Variants in DOCK3 observed in about 807,000 individuals in gnomAD.
DOCK3 encodes dedicator of cytokinesis protein 3.
DOCK3 carries 60 observed loss-of-function variants against 265.6 expected under a neutral mutation model. That is an observed-to-expected ratio of 0.23 (90% CI 0.18 to 0.28). The LOEUF (loss-of-function observed/expected upper bound fraction) is 0.28. Among genes scored for constraint, DOCK3 ranks in the 10% least tolerant of loss-of-function variants. The probability of loss-of-function intolerance (pLI) is 1.00; values close to 1 mark genes in which losing one functional copy is unlikely to be tolerated. For synonymous variants in DOCK3, 881 were observed against 938.0 expected (o/e 0.94, Z 1.11); for missense variants, 1,981 against 2,594.3 (o/e 0.76, Z 5.14).
At chr3:51,151,261 A>T (rs1576250805) in intron 10 of DOCK3, among the ~76,000 whole-genome samples, 1 of 151,906 alleles carries the variant, frequency 6.6e-6, no homozygotes, top group African/African-American at 2.4e-5. Flanking sequence ...TTGACTCTTT[A>T]TCCAGTTTGC....
intron 12 of DOCK3, among the ~76,000 whole-genome samples, chr3:51,162,871 GAGA>G (rs2107548127): frequency 6.6e-6 from 1 of 152,314 alleles, no homozygotes; most frequent in African/African-American, 2.4e-5. Context: ...TATGTTTATA[GAGA>G]AGATTTTTTT....
At chr3:51,357,607 C>G in intron 44 of DOCK3, 151 bp from the exon 45 acceptor site, 1 of 708,682 alleles carries the variant, frequency 1.4e-6, no homozygotes, top group Non-Finnish European at 2.4e-6. Context: ...CTCTAATTGC[C>G]AGAAGTTCAA....
At chr3:51,007,985 CTT>C (rs1226977158) in intron 5 of DOCK3, among the ~76,000 whole-genome samples, 4 of 152,118 alleles carry the variant, frequency 2.6e-5, no homozygotes, top group African/African-American at 7.2e-5. Flanking sequence ...GTCTGTATCT[CTT>C]TTCTGGTACC....
At position 51,322,200 on chromosome 3, in the gene DOCK3, G is replaced by A. The variant is rs554644379; in HGVS notation, c.3402+7072G>A. ...CAATATTCAACATTCTTTTGTTTTTGTTTTTGTTTTTGTTTGTTTTGAGAT... is the reference window on the plus strand; with the variant it reads ...CAATATTCAACATTCTTTTGTTTTTATTTTTGTTTTTGTTTGTTTTGAGAT... On this transcript the variant is annotated intron_variant, in intron 32 of 52. Coordinates refer to ENST00000266037, the MANE Select transcript of DOCK3 (RefSeq NM_004947.5). Among the ~76,000 whole-genome samples, 5 of 152,116 alleles carry A rather than the reference G, an allele frequency of 3.3e-5. No individual in the cohort carries two copies. In the South Asian group the frequency reaches 1.0e-3, roughly 32 times the overall value.
chr3:51,248,499 A>G (rs891667437), intron 22 of DOCK3, among the ~76,000 whole-genome samples: 3 of 152,204 alleles, frequency 2.0e-5, no homozygotes, highest in Non-Finnish European at 4.4e-5. Flanking sequence ...TCAGTGCTCA[A>G]TGGCGCCCAG....
chr3:50,804,876 G>A (rs1315862412), intron 2 of DOCK3, among the ~76,000 whole-genome samples: 1 of 152,024 alleles, frequency 6.6e-6, no homozygotes, highest in Non-Finnish European at 1.5e-5. Context: ...ATTTTTGTTT[G>A]GCTTATCTAT....
intron 3 of DOCK3, among the ~76,000 whole-genome samples, chr3:50,874,397 C>G (rs1413776901): frequency 6.6e-6 from 1 of 151,548 alleles, no homozygotes; most frequent in African/African-American, 2.4e-5. Context: ...TCCCAGCTAC[C>G]TGGGAGGCTG....
intron 1 of DOCK3, among the ~76,000 whole-genome samples, chr3:50,689,917 G>A (rs2035092411): frequency 6.6e-6 from 1 of 152,070 alleles, no homozygotes; most frequent in South Asian, 2.1e-4. Flanking sequence ...CCATTCTGTG[G>A]TTGTCTTTTC....
chr3:51,053,078 GATATATAT>G (rs59382660), intron 5 of DOCK3, among the ~76,000 whole-genome samples: 632 of 43,780 alleles, frequency 0.014, 21 homozygotes, highest in African/African-American at 0.034. Context: ...AAAAGTCAAA[GATATATAT>G]ATATATATAT....
In DOCK3 at chr3:51,338,931, G is replaced by A. The variant is rs746667695; in HGVS notation, c.3673-4G>A. 4 of 1,597,680 alleles carry A rather than the reference G, an allele frequency of 2.5e-6. No individual in the cohort carries two copies. The highest frequency in any genetic ancestry group is 3.4e-6 in the Non-Finnish European group (4 of 1,171,446). On this transcript the variant is annotated splice_region_variant and splice_polypyrimidine_tract_variant and intron_variant, in intron 36 of 52. Transcript: ENST00000266037. ...TGACAGGTGTTTCCTTCTCTTTATT[G>A]TAGAATTTTTACAAATCTGAGATTA... is the stretch of plus-strand genomic sequence containing the variant.
chr3:51,139,259 G>T (rs549000943), intron 9 of DOCK3, among the ~76,000 whole-genome samples: 9 of 150,454 alleles, frequency 6.0e-5, no homozygotes, highest in Non-Finnish European at 1.3e-4. Flanking sequence ...TGCAGTGGGG[G>T]GAGGGCTAAG....
chr3:51,308,141 G>A (rs1447302187), intron 27 of DOCK3, among the ~76,000 whole-genome samples: 1 of 151,856 alleles, frequency 6.6e-6, no homozygotes, highest in Non-Finnish European at 1.5e-5. Context: ...TGTTTTTAAG[G>A]CTACTGTGGA....
chr3:51,090,949 A>G (rs2082614354), intron 9 of DOCK3, among the ~76,000 whole-genome samples: 1 of 152,202 alleles, frequency 6.6e-6, no homozygotes, highest in Non-Finnish European at 1.5e-5. Flanking sequence ...TTCCAATTAT[A>G]TATTATATGT....
chr3:51,237,449 C>A, intron 20 of DOCK3, 41 bp from the exon 21 acceptor site: 1 of 1,530,638 alleles, frequency 6.5e-7, no homozygotes, highest in Non-Finnish European at 9.0e-7. Flanking sequence ...AGATCTGAGG[C>A]CTCCAGTGAA....
At chr3:51,127,782 T>G (rs1236813747) in intron 9 of DOCK3, among the ~76,000 whole-genome samples, 2 of 152,194 alleles carry the variant, frequency 1.3e-5, no homozygotes, top group Non-Finnish European at 2.9e-5. Context: ...GTCATGGTTT[T>G]TTTCCTGGTG....
chr3:50,971,446 A>G (rs1021451074), intron 5 of DOCK3, among the ~76,000 whole-genome samples: 1 of 152,116 alleles, frequency 6.6e-6, no homozygotes, highest in African/African-American at 2.4e-5. Context: ...TGTAATAGAC[A>G]ACCTTTGTGG....
Position 51,205,385 on chromosome 3 carries a change from G to C in DOCK3, c.1038-3389G>C, listed in dbSNP as rs572046028. 2.6e-5 allele frequency among the ~76,000 whole-genome samples: 4 copies of C among 152,070 alleles called. No individual in the cohort carries two copies. In the East Asian group the frequency reaches 5.8e-4, roughly 22 times the overall value. ...AGACTTTGATGGGGTTAGGACTAAA[G>C]AGAATAATTTTAAAAACTGAACAAT... is the stretch of plus-strand genomic sequence containing the variant. On this transcript the variant is annotated intron_variant, in intron 12 of 52. Coordinates refer to ENST00000266037, the MANE Select transcript of DOCK3 (RefSeq NM_004947.5).
At chr3:51,353,704 A>G (rs1325469905) in intron 40 of DOCK3, among the ~76,000 whole-genome samples, 2 of 152,236 alleles carry the variant, frequency 1.3e-5, no homozygotes, top group East Asian at 1.9e-4. Flanking sequence ...CAGAAATCCT[A>G]TTTCAAGAAG....
intron 51 of DOCK3, chr3:51,379,678 G>A (rs949083123): frequency 1.2e-5 from 12 of 973,512 alleles, no homozygotes; most frequent in Non-Finnish European, 1.5e-5. Context: ...TCTCTGGGCC[G>A]ACTCAGCCAA....
Sources: allele counts gnomAD v4.1 joint callset (sites outside exome capture counted in the v4.1 genomes callset), GRCh38; gene constraint gnomAD v4.1.1; transcripts MANE v1.5; gene names NCBI Gene and HGNC (gene_info 2026-07-23, HGNC 2026-07-21).